Variants in AUTS2 observed in about 807,000 individuals in gnomAD.
AUTS2 encodes activator of transcription and developmental regulator AUTS2, also known as autism susceptibility gene 2 protein.
In AUTS2, 17 loss-of-function variants were observed where a neutral mutation model predicts 112.4. The ratio of observed to expected loss-of-function variants is 0.15; its 90% CI spans 0.10 to 0.23. AUTS2 has a LOEUF of 0.23. Ranked by LOEUF, AUTS2 falls within the 10% of genes least tolerant of loss-of-function variation. The pLI is 1.00. For synonymous variants in AUTS2, 751 were observed against 702.7 expected (o/e 1.07, Z -1.09); for missense variants, 1,510 against 1,701.6 (o/e 0.89, Z 1.98).
intron 4 of AUTS2, among the ~76,000 whole-genome samples, chr7:70,361,034 A>G (rs998142770): frequency 2.0e-5 from 3 of 152,148 alleles, no homozygotes; most frequent in Non-Finnish European, 4.4e-5. Flanking sequence ...CCTCAGCTAC[A>G]CCCAGCCTCC....
At chr7:69,779,050 TAAAAAAAAAA>T (rs1554368326) in intron 1 of AUTS2, among the ~76,000 whole-genome samples, 51 of 86,592 alleles carry the variant, frequency 5.9e-4, no homozygotes, top group African/African-American at 2.3e-3. Context: ...TTTTTTTTTT[TAAAAAAAAAA>T]AAAAAAAAAA....
At chr7:69,713,040 T>G (rs1361809717) in intron 1 of AUTS2, among the ~76,000 whole-genome samples, 1 of 152,204 alleles carries the variant, frequency 6.6e-6, no homozygotes, top group East Asian at 1.9e-4. Context: ...TGTTCAAATC[T>G]TTTGCCCATG....
At chr7:69,680,856 G>A (rs1180257597) in intron 1 of AUTS2, among the ~76,000 whole-genome samples, 6 of 152,094 alleles carry the variant, frequency 3.9e-5, no homozygotes, top group Non-Finnish European at 8.8e-5. Context: ...TTTTAGTAGA[G>A]ACAGGGTTTC....
intron 2 of AUTS2, among the ~76,000 whole-genome samples, chr7:70,004,159 T>A (rs1329209303): frequency 7.5e-6 from 1 of 132,748 alleles, no homozygotes; most frequent in East Asian, 2.1e-4. Context: ...GTGTTATATG[T>A]GAATATATAT....
chr7:69,843,623 G>T (rs1248938448), intron 1 of AUTS2, among the ~76,000 whole-genome samples: 1 of 152,216 alleles, frequency 6.6e-6, no homozygotes, highest in African/African-American at 2.4e-5. Flanking sequence ...ATCTGTGGTG[G>T]TTGATGGCTG....
chr7:69,810,006 C>G (rs1048380218), intron 1 of AUTS2, among the ~76,000 whole-genome samples: 15 of 152,166 alleles, frequency 9.9e-5, no homozygotes, highest in African/African-American at 3.1e-4. Flanking sequence ...TTGAAATGTT[C>G]TGGTTGATGT....
In AUTS2 at chr7:70,598,689, T is replaced by C. The variant is rs945746572; in HGVS notation, c.691-99880T>C. ...AGGCTCAGCCTACCCCCAGATTCTC[T>C]TTCTGACAAGTGGGTGTTTGGTAGG... On this transcript the variant is annotated intron_variant, in intron 5 of 18. Coordinates refer to ENST00000342771, the MANE Select transcript of AUTS2 (RefSeq NM_015570.4). Among the ~76,000 whole-genome samples the C allele has an allele frequency of 5.9e-5, 9 of 152,216 alleles. 1 individual carries two copies. The highest frequency in any genetic ancestry group is 5.9e-4 in the Admixed American group (9 of 15,276).
intron 3 of AUTS2, chr7:70,119,784 G>A (rs1805588526): frequency 6.7e-6 from 1 of 150,190 alleles, no homozygotes; most frequent in South Asian, 2.1e-4. Context: ...GAGTGTCTGA[G>A]TATTAAGAAT....
At chr7:70,567,473 T>TG (rs1273268092) in intron 5 of AUTS2, among the ~76,000 whole-genome samples, 1 of 152,156 alleles carries the variant, frequency 6.6e-6, no homozygotes, top group African/African-American at 2.4e-5. Context: ...CTTAACCTTT[T>TG]GGGGGCCCTG....
chr7:70,425,465 T>G (rs1447124897), intron 4 of AUTS2, among the ~76,000 whole-genome samples: 2 of 152,100 alleles, frequency 1.3e-5, no homozygotes. Flanking sequence ...CCAGCTAAAC[T>G]CAGACATTTT....
intron 4 of AUTS2, among the ~76,000 whole-genome samples, chr7:70,409,365 A>G (rs1265130743): frequency 6.6e-6 from 1 of 152,120 alleles, no homozygotes; most frequent in Non-Finnish European, 1.5e-5. Context: ...GTATTTATGT[A>G]TGTATAATAA....
intron 4 of AUTS2, among the ~76,000 whole-genome samples, chr7:70,298,470 G>A (rs13221252): frequency 0.34 from 52,281 of 152,034 alleles, 10,104 homozygotes; most frequent in African/African-American, 0.53. Flanking sequence ...TCCAAAAGCA[G>A]CCATTTTAGT....
At chr7:70,629,986 A>C (rs1053180145) in intron 5 of AUTS2, among the ~76,000 whole-genome samples, 1 of 152,168 alleles carries the variant, frequency 6.6e-6, no homozygotes, top group African/African-American at 2.4e-5. Flanking sequence ...TAATTACTGA[A>C]ATGTAGGAAT....
At chr7:70,079,995 A>T (rs913726132) in intron 2 of AUTS2, among the ~76,000 whole-genome samples, 1 of 152,130 alleles carries the variant, frequency 6.6e-6, no homozygotes, top group African/African-American at 2.4e-5. Context: ...TAATCCATTC[A>T]TGAGGGTAGA....
At chr7:70,663,165 C>G (rs909447964) in intron 5 of AUTS2, among the ~76,000 whole-genome samples, 1 of 152,194 alleles carries the variant, frequency 6.6e-6, no homozygotes, top group Admixed American at 6.5e-5. Context: ...GAGGCCGAGG[C>G]AGGCGGATCA....
chr7:70,562,162 A>G (rs1801515472), intron 5 of AUTS2, among the ~76,000 whole-genome samples: 1 of 152,224 alleles, frequency 6.6e-6, no homozygotes, highest in Non-Finnish European at 1.5e-5. Flanking sequence ...CAGAGCCATG[A>G]GCCAAATAAA....
intron 4 of AUTS2, among the ~76,000 whole-genome samples, chr7:70,311,747 C>T (rs112209896): frequency 0.016 from 2,368 of 151,956 alleles, 72 homozygotes; most frequent in African/African-American, 0.054. Flanking sequence ...GACGGAGTCT[C>T]GCTCTGTTGC....
intron 12 of AUTS2, 181 bp downstream of exon 12, chr7:70,774,280 T>C (rs1244174621): frequency 3.3e-6 from 2 of 609,990 alleles, no homozygotes; most frequent in East Asian, 5.5e-5. Flanking sequence ...TCCTGCTCAC[T>C]GCGAGCATAG....
intron 4 of AUTS2, among the ~76,000 whole-genome samples, chr7:70,276,009 T>C (rs1313873887): frequency 6.6e-6 from 1 of 152,218 alleles, no homozygotes; most frequent in Non-Finnish European, 1.5e-5. Context: ...AATTAGTATG[T>C]CTGTCCTCCT....
Sources: allele counts gnomAD v4.1 joint callset (sites outside exome capture counted in the v4.1 genomes callset), GRCh38; gene constraint gnomAD v4.1.1; transcripts MANE v1.5; gene names NCBI Gene and HGNC (gene_info 2026-07-23, HGNC 2026-07-21).